The following CLVS1 variants were observed in gnomAD, a reference collection of about 807,000 sequenced individuals.
The protein encoded by CLVS1 is clavesin-1.
A neutral mutation model predicts 33.1 loss-of-function variants in CLVS1; 10 were observed. The observed-to-expected ratio is 0.30, with a 90% CI of 0.19 to 0.51. The LOEUF is 0.51. Among genes scored for constraint, CLVS1 ranks in the 20% least tolerant of loss-of-function variants. The pLI, the probability that CLVS1 is intolerant of heterozygous loss-of-function variation, is 0.97. For synonymous variants in CLVS1, 163 were observed against 166.1 expected (o/e 0.98, Z 0.14); for missense variants, 343 against 433.4 (o/e 0.79, Z 1.85).
intron 1 of CLVS1, among the ~76,000 whole-genome samples, chr8:61,080,243 A>G (rs1585594595): frequency 1.3e-5 from 2 of 152,256 alleles, no homozygotes; most frequent in Non-Finnish European, 2.9e-5. Flanking sequence ...AAAACACTAT[A>G]TATTACAAGT....
chr8:61,033,161 A>AATAAAGAAAAAG, the CLVS1 span, among the ~76,000 whole-genome samples: 1 of 92,130 alleles, frequency 1.1e-5, no homozygotes, highest in Non-Finnish European at 2.3e-5. Flanking sequence ...GAAAGAAAGA[A>AATAAAGAAAAAG]AAAGAAAGAA....
At chr8:61,158,537 G>GT (rs1806692289) in intron 2 of CLVS1, among the ~76,000 whole-genome samples, 2 of 152,144 alleles carry the variant, frequency 1.3e-5, no homozygotes, top group Admixed American at 1.3e-4. Context: ...TGATTGTCTT[G>GT]TAAGTGGTCC....
At chr8:61,406,769 G>A (rs761494882) in intron 3 of CLVS1, among the ~76,000 whole-genome samples, 4 of 151,886 alleles carry the variant, frequency 2.6e-5, no homozygotes, top group Non-Finnish European at 5.9e-5. Context: ...CACCTCTCCC[G>A]GCTAATTTTT....
chr8:61,141,433 A>G (rs779737730), intron 2 of CLVS1, among the ~76,000 whole-genome samples: 2 of 152,168 alleles, frequency 1.3e-5, no homozygotes, highest in Non-Finnish European at 2.9e-5. Flanking sequence ...TTCTATATTT[A>G]TCTGTAAGTT....
intron 2 of CLVS1, among the ~76,000 whole-genome samples, chr8:61,152,396 G>A (rs1806556728): frequency 6.6e-6 from 1 of 152,124 alleles, no homozygotes; most frequent in Non-Finnish European, 1.5e-5. Flanking sequence ...AAATACCACT[G>A]CATGGGGAAT....
chr8:61,411,316 C>T (rs1233888139), intron 3 of CLVS1, among the ~76,000 whole-genome samples: 1 of 152,194 alleles, frequency 6.6e-6, no homozygotes, highest in Non-Finnish European at 1.5e-5. Flanking sequence ...TCTGCCCACC[C>T]TGGCCCTGTG....
the CLVS1 span, among the ~76,000 whole-genome samples, chr8:60,982,415 A>T: frequency 1.3e-5 from 2 of 152,236 alleles, no homozygotes; most frequent in Non-Finnish European, 2.9e-5. Flanking sequence ...AATCAAGATA[A>T]TAGGGTCTCT....
intron 2 of CLVS1, among the ~76,000 whole-genome samples, chr8:61,238,563 G>A (rs1808619355): frequency 6.6e-6 from 1 of 152,190 alleles, no homozygotes; most frequent in Admixed American, 6.5e-5. Context: ...TTCTCCAGAT[G>A]GATAGATTTT....
At chr8:61,210,868 G>A (rs1476721018) in intron 2 of CLVS1, among the ~76,000 whole-genome samples, 1 of 152,172 alleles carries the variant, frequency 6.6e-6, no homozygotes, top group Admixed American at 6.5e-5. Flanking sequence ...CCCAGGGACA[G>A]CTTGTAGAGT....
intron 3 of CLVS1, among the ~76,000 whole-genome samples, chr8:61,397,968 G>A (rs1814594826): frequency 6.6e-6 from 1 of 152,036 alleles, no homozygotes; most frequent in Non-Finnish European, 1.5e-5. Flanking sequence ...TTTCAAGATT[G>A]TTTGGGTTAT....
At chr8:61,081,036 G>A (rs1048046714) in intron 1 of CLVS1, among the ~76,000 whole-genome samples, 5 of 152,194 alleles carry the variant, frequency 3.3e-5, no homozygotes, top group African/African-American at 1.2e-4. Flanking sequence ...TCTTAGTTTG[G>A]TTGGGAGTAG....
chr8:61,249,990 C>G (rs1342097883), intron 2 of CLVS1, among the ~76,000 whole-genome samples: 1 of 152,150 alleles, frequency 6.6e-6, no homozygotes, highest in Non-Finnish European at 1.5e-5. Context: ...AGTATTTGCC[C>G]ATGCCTATGT....
At chr8:61,299,012 A>T (rs1175737583) in intron 1 of CLVS1, among the ~76,000 whole-genome samples, 1 of 152,184 alleles carries the variant, frequency 6.6e-6, no homozygotes. Context: ...AGCCATTTGC[A>T]AATGTCCCTG....
At chr8:61,095,388 A>G (rs1339949026) in intron 1 of CLVS1, among the ~76,000 whole-genome samples, 1 of 152,168 alleles carries the variant, frequency 6.6e-6, no homozygotes, top group African/African-American at 2.4e-5. Flanking sequence ...CTCTCAAAGA[A>G]GTGGAGCATT....
At chr8:60,970,307 C>T in the CLVS1 span, among the ~76,000 whole-genome samples, 1 of 152,224 alleles carries the variant, frequency 6.6e-6, no homozygotes, top group Non-Finnish European at 1.5e-5. Flanking sequence ...CTGAGCTCTC[C>T]TCAGGACCGG....
the CLVS1 span, among the ~76,000 whole-genome samples, chr8:60,998,552 G>T: frequency 1.3e-5 from 2 of 152,098 alleles, no homozygotes; most frequent in African/African-American, 4.8e-5. Context: ...GGGACAAAAA[G>T]AATTCCTGCT....
chr8:61,445,540 C>G (rs1816727958), intron 3 of CLVS1, among the ~76,000 whole-genome samples: 1 of 152,180 alleles, frequency 6.6e-6, no homozygotes, highest in Non-Finnish European at 1.5e-5. Context: ...CTGAAGCCCT[C>G]ACCAGAAGCA....
At chr8:61,224,841 T>G (rs948005759) in intron 2 of CLVS1, among the ~76,000 whole-genome samples, 2 of 152,186 alleles carry the variant, frequency 1.3e-5, no homozygotes, top group African/African-American at 2.4e-5. Context: ...GCACCAAGAT[T>G]CATAAGACAA....
chr8:61,495,482 G>T (rs973044920), intron 5 of CLVS1, among the ~76,000 whole-genome samples: 1 of 152,126 alleles, frequency 6.6e-6, no homozygotes, highest in African/African-American at 2.4e-5. Context: ...TCCCAAAACA[G>T]GGAAAGGGGA....
Sources: gnomAD v4.1 joint callset for allele counts (sites outside exome capture counted in the v4.1 genomes callset) on GRCh38, gnomAD v4.1.1 for gene constraint, MANE v1.5 for transcripts, NCBI Gene and HGNC (gene_info 2026-07-23, HGNC 2026-07-21) for gene names.